Variants in FANCD2 observed in about 807,000 individuals in gnomAD.
FANCD2 encodes Fanconi anemia group D2 protein.
A neutral mutation model predicts 192.3 loss-of-function variants in FANCD2; 131 were observed. The observed-to-expected ratio is 0.68, with a 90% CI of 0.59 to 0.79. The LOEUF (loss-of-function observed/expected upper bound fraction) is 0.79, where lower values mean the gene tolerates loss of function less well. Ranked by LOEUF, FANCD2 falls within the 30% of genes least tolerant of loss-of-function variation. The pLI, the probability that FANCD2 is intolerant of heterozygous loss-of-function variation, is 0.00. For missense variants in FANCD2, 1,508 were observed against 1,701.6 expected (o/e 0.89, Z 2.00); for synonymous variants, 524 against 612.5 (o/e 0.86, Z 2.13).
chr3:10,083,321 G>A (rs773944694), intron 32 of FANCD2, among the ~76,000 whole-genome samples: 1 of 152,094 alleles, frequency 6.6e-6, no homozygotes, highest in Admixed American at 6.6e-5. Flanking sequence ...ATAAATACAT[G>A]AAAGGATGTT....
chr3:10,065,314 T>C, intron 23 of FANCD2, 80 bp from the exon 24 acceptor site: 5 of 947,244 alleles, frequency 5.3e-6, no homozygotes, highest in Non-Finnish European at 8.7e-6. Context: ...GTTCCCTATG[T>C]ATGTGGAGTA....
At chr3:10,048,650 T>G (rs565595110) in intron 16 of FANCD2, among the ~76,000 whole-genome samples, 17 of 152,340 alleles carry the variant, frequency 1.1e-4, no homozygotes, top group African/African-American at 3.8e-4. Flanking sequence ...GGACTGTATT[T>G]GTGGAAAATG....
chr3:10,064,821 C>T lies in FANCD2; in HGVS notation c.2114C>T (p.Ser705Phe). The T allele has an allele frequency of 1.2e-6, 2 of 1,613,976 alleles. No individual in the cohort carries two copies. The highest frequency in any genetic ancestry group is 1.7e-6 in the Non-Finnish European group (2 of 1,179,842). The change falls in exon 23 of 44, where the codon TCT becomes TTT. Residue 705 changes from serine (S) to phenylalanine (F), a missense_variant. Physicochemically the swap from Ser to Phe is radical, Grantham distance 155. Transcript: ENST00000675286. ...IAINLLPLLF[S>F]QDFAKDGGPV... is the part of the protein sequence containing the mutation. ...ATAAACCTCCTGCCGCTGCTGTTTT[C>T]TCAGGACTTTGCAAAAGATGGGGGT...
chr3:10,101,511 G>A lies in FANCD2; in HGVS notation c.*249G>A. 4 of 463,516 alleles carry A rather than the reference G, an allele frequency of 8.6e-6. No individual in the cohort carries two copies. Among genetic ancestry groups the A allele is most frequent in the Non-Finnish European group, 1.6e-5 (4 of 252,648 alleles). 28.7% of individuals were successfully genotyped at this position (463,516 alleles called of 1,614,324 possible). ...AGCGATTCTCCTGCCTCAGCCTCCTGAGTAGCTGGGACGACAGGCACATGC... is the reference window on the plus strand; with the variant it reads ...AGCGATTCTCCTGCCTCAGCCTCCTAAGTAGCTGGGACGACAGGCACATGC... On this transcript the variant is annotated 3_prime_UTR_variant, in exon 44 of 44. Coordinates refer to ENST00000675286, the MANE Select transcript of FANCD2 (RefSeq NM_001018115.3).
At chr3:10,056,083 T>G (rs2087402756) in intron 18 of FANCD2, among the ~76,000 whole-genome samples, 1 of 152,222 alleles carries the variant, frequency 6.6e-6, no homozygotes, top group Non-Finnish European at 1.5e-5. Flanking sequence ...TTTGCCATGT[T>G]GGCCAGGCTG....
intron 17 of FANCD2, among the ~76,000 whole-genome samples, chr3:10,050,469 A>G (rs1347876562): frequency 6.6e-6 from 1 of 151,832 alleles, no homozygotes; most frequent in African/African-American, 2.4e-5. Context: ...CTAAAAATAC[A>G]AAAATTAGCC....
At chr3:10,057,037 G>A (rs1424899077) in intron 18 of FANCD2, among the ~76,000 whole-genome samples, 1 of 151,970 alleles carries the variant, frequency 6.6e-6, no homozygotes, top group Admixed American at 6.6e-5. Flanking sequence ...TATAATTTTG[G>A]TAGACATTAT....
In FANCD2 at chr3:10,047,898, C is replaced by G. The variant is rs552855591; in HGVS notation, c.1279-19C>G. ...GTTTCCTACAGCTTCTTTTCTCTCTCTACTCTTCCCCACTCAAGGTTCTTA... is the reference window on the plus strand; with the variant it reads ...GTTTCCTACAGCTTCTTTTCTCTCTGTACTCTTCCCCACTCAAGGTTCTTA... On this transcript the variant is annotated intron_variant, in intron 15 of 43. Coordinates refer to ENST00000675286, the MANE Select transcript of FANCD2 (RefSeq NM_001018115.3). 1.9e-6 allele frequency: 3 copies of G among 1,612,014 alleles called. No individual in the cohort carries two copies. The highest frequency in any genetic ancestry group is 1.3e-5 in the African/African-American group (1 of 75,026).
chr3:10,056,015 A>C (rs2087400819), intron 18 of FANCD2, among the ~76,000 whole-genome samples: 1 of 151,946 alleles, frequency 6.6e-6, no homozygotes, highest in South Asian at 2.1e-4. Flanking sequence ...AGTAGCTGGG[A>C]TTATAGGCAC....
intron 18 of FANCD2, among the ~76,000 whole-genome samples, chr3:10,058,706 C>T (rs749722893): frequency 2.6e-5 from 4 of 152,164 alleles, no homozygotes; most frequent in East Asian, 1.9e-4. Flanking sequence ...TTGGTCTATA[C>T]GTCTGTCCTT....
intron 6 of FANCD2, among the ~76,000 whole-genome samples, 165 bp downstream of exon 6, chr3:10,035,398 T>C (rs1253693042): frequency 1.3e-5 from 2 of 152,156 alleles, no homozygotes; most frequent in African/African-American, 4.8e-5. Context: ...TAGGGTAATG[T>C]CTGTGTTTTA....
chr3:10,083,494 A>G (rs1693972823), intron 32 of FANCD2: 1 of 152,142 alleles, frequency 6.6e-6, no homozygotes, highest in African/African-American at 2.4e-5. Context: ...TGGTACATCC[A>G]TATTGGGAAA....
chr3:10,040,190 A>C (rs921193250), intron 9 of FANCD2: 11 of 357,270 alleles, frequency 3.1e-5, no homozygotes, highest in Non-Finnish European at 5.8e-5. Flanking sequence ...ACCTGCTACC[A>C]TGCCCGACTA....
At chr3:10,032,384 T>C (rs2086624222) in intron 2 of FANCD2, 2 of 328,444 alleles carry the variant, frequency 6.1e-6, no homozygotes, top group African/African-American at 2.2e-5. Flanking sequence ...GGGCTCAAGT[T>C]ATTCTTCCGC....
chr3:10,040,003 G>T, intron 9 of FANCD2, 158 bp downstream of exon 9: 1 of 704,734 alleles, frequency 1.4e-6, no homozygotes, highest in South Asian at 2.0e-5. Flanking sequence ...AAAAAAAAAA[G>T]GTATATATTT....
chr3:10,031,430 A>G (rs929862435), intron 2 of FANCD2, among the ~76,000 whole-genome samples: 12 of 149,316 alleles, frequency 8.0e-5, no homozygotes, highest in African/African-American at 3.0e-4. Context: ...TGAACCCGGG[A>G]GGCGGAGCTT....
chr3:10,078,467 G>C (rs1166738648), intron 30 of FANCD2, among the ~76,000 whole-genome samples: 2 of 151,962 alleles, frequency 1.3e-5, no homozygotes, highest in East Asian at 3.9e-4. Context: ...TCATTCTCCT[G>C]CCTCAGCCTC....
At chr3:10,043,240 T>C in intron 12 of FANCD2, 90 bp downstream of exon 12, 1 of 940,986 alleles carries the variant, frequency 1.1e-6, no homozygotes, top group Non-Finnish European at 1.7e-6. Context: ...ATAATGATAC[T>C]ATTATGACAT....
intron 26 of FANCD2, among the ~76,000 whole-genome samples, chr3:10,070,342 C>A (rs1693139454): frequency 1.4e-5 from 2 of 147,474 alleles, no homozygotes; most frequent in Non-Finnish European, 3.0e-5. Context: ...GGGGTCAGGC[C>A]CCGCCAGGCC....
Sources: allele counts gnomAD v4.1 joint callset (sites outside exome capture counted in the v4.1 genomes callset), GRCh38; gene constraint gnomAD v4.1.1; transcripts MANE v1.5; gene names NCBI Gene and HGNC (gene_info 2026-07-23, HGNC 2026-07-21).